The following SLC2A13 variants were observed in gnomAD, a reference collection of about 807,000 sequenced individuals.
SLC2A13 encodes the protein proton myo-inositol cotransporter.
SLC2A13 carries 32 observed loss-of-function variants against 64.4 expected under a neutral mutation model. The ratio of observed to expected loss-of-function variants is 0.50; its 90% CI spans 0.37 to 0.67. SLC2A13 has a LOEUF of 0.67. SLC2A13 is among the 30% of genes least tolerant of loss of function. The pLI is 0.00. For missense variants in SLC2A13, 743 were observed against 829.2 expected (o/e 0.90, Z 1.28); for synonymous variants, 338 against 327.1 (o/e 1.03, Z -0.36).
intron 7 of SLC2A13, among the ~76,000 whole-genome samples, chr12:39,799,065 G>GTT (rs1037562150): frequency 3.1e-5 from 4 of 129,208 alleles, no homozygotes; most frequent in African/African-American, 8.6e-5. Flanking sequence ...TACTGTTCTG[G>GTT]TTTTTTTTTT....
intron 2 of SLC2A13, among the ~76,000 whole-genome samples, chr12:40,038,636 C>T (rs1190568756): frequency 6.7e-6 from 1 of 149,934 alleles, no homozygotes; most frequent in East Asian, 2.0e-4. Context: ...GAGGCTGAGG[C>T]GGGAGGGTCA....
intron 4 of SLC2A13, among the ~76,000 whole-genome samples, chr12:39,925,251 C>G (rs565864174): frequency 2.0e-5 from 3 of 152,088 alleles, no homozygotes; most frequent in East Asian, 1.9e-4. Context: ...TCAGGCTAGT[C>G]TCAAACTCCT....
chr12:39,864,049 G>A (rs952984953), intron 6 of SLC2A13, among the ~76,000 whole-genome samples: 1 of 152,176 alleles, frequency 6.6e-6, no homozygotes, highest in Non-Finnish European at 1.5e-5. Flanking sequence ...GGTGGCTAAA[G>A]TCCAGTTTAA....
chr12:39,902,605 G>C lies in SLC2A13; in HGVS notation c.1035-30644C>G, dbSNP rs937627272. On this transcript the variant is annotated intron_variant, in intron 4 of 9. Transcript: ENST00000280871. The stretch of plus-strand genomic sequence containing the variant: ...GAAATTATCTTGTCCTCACAAAAGT[G>C]AAATCTAGAAAAAGATGTGTCTAAA... Among the ~76,000 whole-genome samples, 9 of 152,102 alleles carry C rather than the reference G, an allele frequency of 5.9e-5. No individual in the cohort carries two copies. The South Asian group carries it at 1.9e-3, about 32-fold the overall frequency.
chr12:39,837,919 G>A (rs1399824888), intron 6 of SLC2A13, among the ~76,000 whole-genome samples: 1 of 150,968 alleles, frequency 6.6e-6, no homozygotes, highest in East Asian at 2.0e-4. Flanking sequence ...CAACCATTGT[G>A]GAAGTCAGTG....
At chr12:39,975,647 G>C (rs1946744702) in intron 3 of SLC2A13, among the ~76,000 whole-genome samples, 1 of 152,176 alleles carries the variant, frequency 6.6e-6, no homozygotes. Flanking sequence ...CTGAAAATAA[G>C]TTAGACGTAT....
chr12:39,962,886 A>C lies in SLC2A13; in HGVS notation c.926-11521T>G, dbSNP rs1946439708. Among the ~76,000 whole-genome samples the C allele has an allele frequency of 2.0e-5, 3 of 152,190 alleles. No homozygotes were observed. In the South Asian group the frequency reaches 6.2e-4, roughly 32 times the overall value. On this transcript the variant is annotated intron_variant, in intron 3 of 9. Transcript: ENST00000280871. ...GAGCTCCAGGTGTTTTCATAATTAA[A>C]GGTGGAAATGCATGAGAAATATATC... is the stretch of plus-strand genomic sequence containing the variant.
At chr12:40,100,471 G>C (rs548530354) in intron 1 of SLC2A13, among the ~76,000 whole-genome samples, 6 of 152,150 alleles carry the variant, frequency 3.9e-5, no homozygotes, top group Non-Finnish European at 8.8e-5. Flanking sequence ...CTATGCTCTT[G>C]TACTTTGTGT....
In SLC2A13 at chr12:39,934,476, A is replaced by G. The variant is rs371913274; in HGVS notation, c.1034+16781T>C. 1.8e-4 allele frequency among the ~76,000 whole-genome samples: 28 copies of G among 152,364 alleles called. No homozygotes were observed. The East Asian group carries it at 4.6e-3, about 25-fold the overall frequency. ...TACATCATCTCCAAGAGGCAATGCCATCTCTGGAAATGTGGACTTTAATGT... is the reference window on the plus strand; with the variant it reads ...TACATCATCTCCAAGAGGCAATGCCGTCTCTGGAAATGTGGACTTTAATGT... On this transcript the variant is annotated intron_variant, in intron 4 of 9. Coordinates refer to ENST00000280871, the MANE Select transcript of SLC2A13 (RefSeq NM_052885.4).
At chr12:39,873,491 G>A (rs914946175) in intron 4 of SLC2A13, among the ~76,000 whole-genome samples, 1 of 152,052 alleles carries the variant, frequency 6.6e-6, no homozygotes, top group African/African-American at 2.4e-5. Context: ...AATCTAAAAA[G>A]GCAGAAAACA....
At chr12:39,976,570 T>G (rs1363172123) in intron 3 of SLC2A13, among the ~76,000 whole-genome samples, 2 of 152,060 alleles carry the variant, frequency 1.3e-5, no homozygotes, top group Non-Finnish European at 2.9e-5. Flanking sequence ...TCTTCACTTT[T>G]TTTTTTAAAG....
chr12:39,784,989 G>C (rs1941133234), intron 7 of SLC2A13, among the ~76,000 whole-genome samples: 1 of 152,120 alleles, frequency 6.6e-6, no homozygotes, highest in Non-Finnish European at 1.5e-5. Flanking sequence ...GTTTTAAAAG[G>C]GAAACAGAAC....
At chr12:40,029,728 T>C (rs1226328588) in intron 2 of SLC2A13, among the ~76,000 whole-genome samples, 1 of 152,176 alleles carries the variant, frequency 6.6e-6, no homozygotes, top group Non-Finnish European at 1.5e-5. Context: ...AAACTACACA[T>C]GGAAACAGAA....
intron 4 of SLC2A13, among the ~76,000 whole-genome samples, chr12:39,877,853 C>T (rs1379314949): frequency 1.3e-5 from 2 of 152,156 alleles, no homozygotes; most frequent in African/African-American, 4.8e-5. Flanking sequence ...CTGCCCAAAT[C>T]TTATGTTGAA....
intron 2 of SLC2A13, among the ~76,000 whole-genome samples, chr12:40,047,646 T>A (rs1247264983): frequency 6.6e-6 from 1 of 152,232 alleles, no homozygotes; most frequent in Non-Finnish European, 1.5e-5. Flanking sequence ...ACACTACGTT[T>A]CTTTCAGATC....
At chr12:39,778,638 T>G (rs1940865089) in intron 7 of SLC2A13, among the ~76,000 whole-genome samples, 1 of 152,228 alleles carries the variant, frequency 6.6e-6, no homozygotes, top group Admixed American at 6.5e-5. Flanking sequence ...AATTATTAAA[T>G]CAGTGGCAAC....
At chr12:39,976,796 C>A (rs2136139462) in intron 3 of SLC2A13, among the ~76,000 whole-genome samples, 1 of 152,216 alleles carries the variant, frequency 6.6e-6, no homozygotes, top group South Asian at 2.1e-4. Context: ...TCATTGTATA[C>A]CTTCTACCTA....
chr12:39,835,755 A>G (rs1019443063), intron 6 of SLC2A13: 1 of 152,118 alleles, frequency 6.6e-6, no homozygotes, highest in Admixed American at 6.6e-5. Context: ...GAATTAACCA[A>G]TGCACAACAG....
chr12:40,023,968 T>A (rs1947763149), intron 3 of SLC2A13, among the ~76,000 whole-genome samples: 2 of 152,190 alleles, frequency 1.3e-5, no homozygotes. Flanking sequence ...AAAATTCAAA[T>A]ATATTTGAGC....
Sources: allele counts gnomAD v4.1 joint callset (sites outside exome capture counted in the v4.1 genomes callset), GRCh38; gene constraint gnomAD v4.1.1; transcripts MANE v1.5; gene names NCBI Gene and HGNC (gene_info 2026-07-23, HGNC 2026-07-21).